The following TMPRSS2 variants were observed in gnomAD, a reference collection of about 807,000 sequenced individuals.
The protein encoded by TMPRSS2 is transmembrane protease serine 2.
A neutral mutation model predicts 67.4 loss-of-function variants in TMPRSS2; 59 were observed. The observed-to-expected ratio is 0.88, with a 90% CI of 0.71 to 1.09. The LOEUF is 1.09. Ranked by LOEUF, TMPRSS2 falls within the 50% of genes least tolerant of loss-of-function variation. The pLI is 0.00. For missense variants in TMPRSS2, 668 were observed against 642.7 expected (o/e 1.04, Z -0.43); for synonymous variants, 257 against 257.0 (o/e 1.00, Z 0.00).
chr21:41,466,668 G>A (rs965842115), intron 13 of TMPRSS2, among the ~76,000 whole-genome samples: 20 of 152,190 alleles, frequency 1.3e-4, no homozygotes, highest in East Asian at 7.7e-4. Context: ...TGAGTCCCGC[G>A]TGTCATTTGA....
chr21:41,497,404 G>A (rs763858959), intron 2 of TMPRSS2, among the ~76,000 whole-genome samples: 19 of 152,210 alleles, frequency 1.2e-4, no homozygotes, highest in Non-Finnish European at 2.6e-4. Context: ...TCATCTAAAT[G>A]AGGGAGTCAG....
chr21:41,468,126 A>G (rs1471849087), intron 12 of TMPRSS2: 3 of 614,694 alleles, frequency 4.9e-6, no homozygotes, highest in Non-Finnish European at 5.6e-6. Flanking sequence ...ATTGCCGTTC[A>G]TAATTTAAAA....
At position 41,476,604 on chromosome 21, in the gene TMPRSS2, T is replaced by C; in HGVS notation, c.700A>G (p.Lys234Glu). 1.2e-6 allele frequency: 2 copies of C among 1,602,954 alleles called. No individual in the cohort carries two copies. Among genetic ancestry groups the C allele is most frequent in the Non-Finnish European group, 1.7e-6 (2 of 1,176,740 alleles). ...ATACAGCGTAAAGAAACCACTGCTT[T>C]TGAAGAACAGGCATCACTGCAAAAA... ...KLYHSDACSS[K>E]AVVSLRCIAC... The change falls in exon 8 of 14, where the codon AAA becomes GAA. Residue 234 changes from lysine to glutamate, a missense_variant. Coordinates refer to ENST00000332149, the MANE Select transcript of TMPRSS2 (RefSeq NM_005656.4).
chr21:41,476,442 GC>G (rs2091213704), intron 8 of TMPRSS2, 134 bp downstream of exon 8: 1 of 812,148 alleles, frequency 1.2e-6, no homozygotes, highest in African/African-American at 1.7e-5. Context: ...AGAGCGAGAC[GC>G]CGCTGGGCAC....
At chr21:41,499,015 T>G (rs2091405500) in intron 1 of TMPRSS2, among the ~76,000 whole-genome samples, 1 of 150,562 alleles carries the variant, frequency 6.6e-6, no homozygotes, top group African/African-American at 2.4e-5. Flanking sequence ...GCCCAGCGGG[T>G]GGTTCAGGGC....
intron 7 of TMPRSS2, among the ~76,000 whole-genome samples, chr21:41,477,158 A>C (rs552174617): frequency 1.3e-5 from 2 of 152,306 alleles, no homozygotes; most frequent in South Asian, 4.1e-4. Context: ...TTCCCAGGCT[A>C]TGCTGAGAAG....
At chr21:41,466,342 G>A (rs79971314) in intron 13 of TMPRSS2, among the ~76,000 whole-genome samples, 189 bp from the exon 14 acceptor site, 7,959 of 152,250 alleles carry the variant, frequency 0.052, 669 homozygotes, top group African/African-American at 0.17. Context: ...CAGGAGCTCC[G>A]GAAGGAGCGG....
rs2091360665 is a variant in TMPRSS2 at position 41,494,275 on chromosome 21, G to A, written c.238+81C>T. 5 of 1,448,984 alleles carry A rather than the reference G, an allele frequency of 3.5e-6. No homozygotes were observed. In the South Asian group the frequency reaches 6.0e-5, roughly 18 times the overall value. The allele number at this position is 1,448,984 out of a possible 1,614,324, so 89.8% of individuals were successfully genotyped here. A position where few individuals can be genotyped will look rare whatever the true frequency, so the allele number is the denominator to read the frequency against. On this transcript the variant is annotated intron_variant, in intron 3 of 13. Coordinates refer to ENST00000332149, the MANE Select transcript of TMPRSS2 (RefSeq NM_005656.4). ...GACCAGGAGAGGTGGCGACAGTGGTGTTGGGAGCAGAGAGCCCACTGGGGA... is the reference window on the plus strand; with the variant it reads ...GACCAGGAGAGGTGGCGACAGTGGTATTGGGAGCAGAGAGCCCACTGGGGA...
intron 2 of TMPRSS2, among the ~76,000 whole-genome samples, chr21:41,496,386 T>TG (rs1455579195): frequency 6.6e-6 from 1 of 152,252 alleles, no homozygotes; most frequent in Admixed American, 6.5e-5. Context: ...GTTCACAACA[T>TG]GGGCTGTTAG....
At chr21:41,491,131 C>T (rs1002349958) in intron 3 of TMPRSS2, among the ~76,000 whole-genome samples, 1 of 146,198 alleles carries the variant, frequency 6.8e-6, no homozygotes, top group Non-Finnish European at 1.5e-5. Flanking sequence ...AGTTGGGGGT[C>T]GGGCATGAAT....
intron 1 of TMPRSS2, among the ~76,000 whole-genome samples, chr21:41,507,370 C>A (rs1026799233): frequency 6.6e-6 from 1 of 152,120 alleles, no homozygotes; most frequent in Non-Finnish European, 1.5e-5. Flanking sequence ...GGGTTCCTGC[C>A]GGTGCCGGGT....
At chr21:41,490,827 T>C (rs892130815) in intron 3 of TMPRSS2, among the ~76,000 whole-genome samples, 1 of 152,166 alleles carries the variant, frequency 6.6e-6, no homozygotes, top group African/African-American at 2.4e-5. Flanking sequence ...TCCCAGGAGC[T>C]TTCCCTGAAG....
chr21:41,468,196 G>A (rs922652753), intron 12 of TMPRSS2, 200 bp downstream of exon 12: 10 of 657,482 alleles, frequency 1.5e-5, no homozygotes, highest in African/African-American at 3.6e-5. Context: ...TTTTTCAGAG[G>A]GTGTGTGTGA....
chr21:41,507,442 A>G (rs974956379), intron 1 of TMPRSS2, among the ~76,000 whole-genome samples: 25 of 152,178 alleles, frequency 1.6e-4, no homozygotes, highest in African/African-American at 5.5e-4. Context: ...CTGAGTCGCG[A>G]GCAGTCCCTC....
At chr21:41,477,348 T>C (rs978250894) in intron 7 of TMPRSS2, among the ~76,000 whole-genome samples, 1 of 152,224 alleles carries the variant, frequency 6.6e-6, no homozygotes, top group Non-Finnish European at 1.5e-5. Context: ...AACAGGAACC[T>C]TGTGCTCACA....
At chr21:41,468,176 CA>C in intron 12 of TMPRSS2, 2 of 632,914 alleles carry the variant, frequency 3.2e-6, no homozygotes, top group South Asian at 4.2e-5. Context: ...GCACTTTTAC[CA>C]AATACCGGTT....
At chr21:41,502,368 C>T (rs2091430167) in intron 1 of TMPRSS2, 2 of 984,908 alleles carry the variant, frequency 2.0e-6, no homozygotes, top group Non-Finnish European at 2.4e-6. Context: ...GAAGTCTCCA[C>T]TGACCTCACC....
Position 41,494,372 on chromosome 21 carries a change from C to T in TMPRSS2, c.222G>A (p.Gly74=), listed in dbSNP as rs747305808. 1 of 1,610,630 alleles carries T rather than the reference C, an allele frequency of 6.2e-7. No homozygotes were observed. The highest frequency in any genetic ancestry group is 1.7e-4 in the Middle Eastern group (1 of 6,026). Residue 74 remains glycine (G), a synonymous_variant, in exon 3 of 14, where the codon GGG becomes GGA. Coordinates refer to ENST00000332149, the MANE Select transcript of TMPRSS2 (RefSeq NM_005656.4). ...VVCTQPKSPS[G]TVCTSKTKKA... Reference sequence around the variant, plus strand: ...GAATCCTACTTGAGGTGCACACTGTCCCGGATGGGGATTTGGGCTGCGTGC... The same window carrying T: ...GAATCCTACTTGAGGTGCACACTGTTCCGGATGGGGATTTGGGCTGCGTGC...
intron 3 of TMPRSS2, 66 bp from the exon 4 acceptor site, chr21:41,489,659 A>G: frequency 9.3e-7 from 1 of 1,080,426 alleles, no homozygotes; most frequent in South Asian, 1.4e-5. Context: ...CTCAAATGTT[A>G]TCTATTATTT....
Sources: gnomAD v4.1 joint callset for allele counts (sites outside exome capture counted in the v4.1 genomes callset) on GRCh38, gnomAD v4.1.1 for gene constraint, MANE v1.5 for transcripts, NCBI Gene and HGNC (gene_info 2026-07-23, HGNC 2026-07-21) for gene names.